Variants in NUMA1 observed in about 807,000 individuals in gnomAD.
The protein encoded by NUMA1 is nuclear mitotic apparatus protein 1.
In NUMA1, 62 loss-of-function variants were observed where a neutral mutation model predicts 237.1. The ratio of observed to expected loss-of-function variants is 0.26; its 90% CI spans 0.21 to 0.32. The LOEUF (loss-of-function observed/expected upper bound fraction) is 0.32, where lower values mean the gene tolerates loss of function less well. Among genes scored for constraint, NUMA1 ranks in the 10% least tolerant of loss-of-function variants. NUMA1 has a pLI of 1.00. For missense variants in NUMA1, 2,533 were observed against 2,666.5 expected (o/e 0.95, Z 1.10); for synonymous variants, 1,028 against 1,066.1 (o/e 0.96, Z 0.70).
intron 2 of NUMA1, among the ~76,000 whole-genome samples, chr11:72,043,798 A>G (rs1236068278): frequency 6.6e-6 from 1 of 152,132 alleles, no homozygotes; most frequent in Non-Finnish European, 1.5e-5. Context: ...TTAGAAACAA[A>G]TTAGTGTCTT....
At chr11:72,025,826 T>C (rs2135437529) in intron 4 of NUMA1, among the ~76,000 whole-genome samples, 2 of 152,302 alleles carry the variant, frequency 1.3e-5, no homozygotes, top group Middle Eastern at 3.4e-3. Flanking sequence ...TGGTCTGAGA[T>C]CAGAGACTCC....
At position 72,030,061 on chromosome 11, in the gene NUMA1, G is replaced by A. The variant is rs190489900; in HGVS notation, c.43-771C>T. 7.2e-5 allele frequency among the ~76,000 whole-genome samples: 11 copies of A among 152,230 alleles called. No homozygotes were observed. In the East Asian group the frequency reaches 1.9e-3, roughly 27 times the overall value. On this transcript the variant is annotated intron_variant, in intron 3 of 26. Coordinates refer to ENST00000393695, the MANE Select transcript of NUMA1 (RefSeq NM_006185.4). ...AAAAAGGGGGTGGAGGGAGCCAAGC[G>A]CGGTGGCTCACACCTGTAATCCTAG...
At chr11:72,043,411 G>A (rs1941814267) in intron 2 of NUMA1, among the ~76,000 whole-genome samples, 1 of 148,866 alleles carries the variant, frequency 6.7e-6, no homozygotes. Flanking sequence ...CACCCAGGCT[G>A]GAGGGCAGTG....
Position 72,004,333 on chromosome 11 carries a change from C to G in NUMA1, c.6015G>C (p.Lys2005Asn). The change falls in exon 25 of 27, where the codon AAG (lysine) becomes AAC (asparagine). Residue 2005 changes from lysine to asparagine, a missense_variant. Lys to Asn is a moderately conservative substitution (Grantham distance 94). Coordinates refer to ENST00000393695, the MANE Select transcript of NUMA1 (RefSeq NM_006185.4). ...TGGGGCGTGGGAAACAGCTGGTGGC[C>G]TTCTTAGACTATGGAGAAGAGGACA... is the stretch of plus-strand genomic sequence containing the variant. The part of the protein sequence containing the change: ...HQGPGTPESK[K>N]ATSCFPRPMT... The G allele has an allele frequency of 6.2e-7, 1 of 1,612,270 alleles. No homozygotes were observed. Among genetic ancestry groups the G allele is most frequent in the Middle Eastern group, 1.7e-4 (1 of 6,044 alleles).
chr11:72,004,722 A>C lies in NUMA1; in HGVS notation c.5924T>G (p.Ile1975Arg). 1 of 1,613,566 alleles carries C rather than the reference A, an allele frequency of 6.2e-7. No individual in the cohort carries two copies. The highest frequency in any genetic ancestry group is 8.5e-7 in the Non-Finnish European group (1 of 1,179,808). ...GGTGGTGATGCCAGTGCCCTCGGCT[A>C]TCTGGATTGGCTGCATGCTGGCTCG... is the stretch of plus-strand genomic sequence containing the variant. ...LRRASMQPIQ[I>R]AEGTGITTRQ... Residue 1975 changes from isoleucine (I) to arginine (R), a missense_variant, in exon 24 of 27, where the codon ATA (isoleucine) becomes AGA (arginine). Around this residue, in one of 3 missense-constraint regions of NUMA1, gnomAD observed 795 missense variants for 750.8 expected, o/e 1.06. Coordinates refer to ENST00000393695, the MANE Select transcript of NUMA1 (RefSeq NM_006185.4).
At chr11:72,024,703 C>CTA in intron 4 of NUMA1, 1 of 248,500 alleles carries the variant, frequency 4.0e-6, no homozygotes, top group African/African-American at 2.3e-5. Context: ...TGGCTCAACT[C>CTA]TAAACTGTCA....
At chr11:72,076,410 G>A (rs1440674234) in intron 1 of NUMA1, among the ~76,000 whole-genome samples, 1 of 152,056 alleles carries the variant, frequency 6.6e-6, no homozygotes, top group Non-Finnish European at 1.5e-5. Flanking sequence ...AAAATTCTAG[G>A]AAGCAGACAT....
chr11:72,005,702 G>A, intron 22 of NUMA1: 3 of 497,240 alleles, frequency 6.0e-6, no homozygotes, highest in South Asian at 2.7e-5. Context: ...GTGCCCAAAG[G>A]ACAAGAGCTT....
chr11:72,003,916 TGGC>T lies in NUMA1; in HGVS notation c.6304_6306del (p.Ala2102del), dbSNP rs747952281. ...CCCTTGGCTCGAGGGGTGGCACCAA[TGGC>T]GGCAGCAGTGGCGGCGCTGGCTGTG... On this transcript the variant is annotated inframe_deletion, in exon 26 of 27. Coordinates refer to ENST00000393695, the MANE Select transcript of NUMA1 (RefSeq NM_006185.4). The T allele has an allele frequency of 5.6e-6, 9 of 1,613,086 alleles. No individual in the cohort carries two copies. Among genetic ancestry groups the T allele is most frequent in the African/African-American group, 2.7e-5 (2 of 74,854 alleles).
Position 72,023,082 on chromosome 11 carries a change from C to G in NUMA1, c.274G>C (p.Glu92Gln), listed in dbSNP as rs765866795. ...ATAGGTACCTTCGCCAGTTCCAGCT[C>G]TGATCCCTCTAGCACCTTCTGTGCA... ...VSAQKVLEGS[E>Q]LELAKMTMLL... Residue 92 changes from glutamate (E) to glutamine (Q), a missense_variant, in exon 6 of 27, where the codon GAG (glutamate) becomes CAG (glutamine). Glu to Gln is a conservative substitution (Grantham distance 29, BLOSUM62 2). Around this residue, in one of 3 missense-constraint regions of NUMA1, gnomAD observed 1,414 missense variants for 1,508.1 expected, o/e 0.94. Coordinates refer to ENST00000393695, the MANE Select transcript of NUMA1 (RefSeq NM_006185.4). 8.1e-6 allele frequency: 13 copies of G among 1,613,742 alleles called. No homozygotes were observed. The highest frequency in any genetic ancestry group is 3.3e-5 in the Admixed American group (2 of 59,998).
chr11:72,048,221 C>T (rs914894007), intron 2 of NUMA1, among the ~76,000 whole-genome samples: 10 of 152,080 alleles, frequency 6.6e-5, no homozygotes, highest in Admixed American at 2.6e-4. Flanking sequence ...CTCAGCCTCC[C>T]GAGTAGCTGG....
At chr11:72,034,659 G>A (rs1940795408) in intron 3 of NUMA1, among the ~76,000 whole-genome samples, 1 of 151,602 alleles carries the variant, frequency 6.6e-6, no homozygotes, top group Non-Finnish European at 1.5e-5. Flanking sequence ...AGTGAGCCGA[G>A]ATCACGCCAC....
chr11:72,025,574 T>A (rs1939473231), intron 4 of NUMA1, among the ~76,000 whole-genome samples: 1 of 152,120 alleles, frequency 6.6e-6, no homozygotes, highest in Non-Finnish European at 1.5e-5. Context: ...AAAGCTGAAT[T>A]CTCTAGGCTA....
chr11:72,009,578 A>G (rs1314391204), intron 17 of NUMA1, among the ~76,000 whole-genome samples, 191 bp from the exon 18 acceptor site: 1 of 152,248 alleles, frequency 6.6e-6, no homozygotes, highest in Admixed American at 6.5e-5. Flanking sequence ...CATGCCCTTC[A>G]GTCCACATCC....
chr11:72,005,728 C>T, intron 22 of NUMA1: 1 of 496,010 alleles, frequency 2.0e-6, no homozygotes, highest in South Asian at 2.8e-5. Flanking sequence ...AAGAGTCTGG[C>T]CAGCCTGGCC....
chr11:72,006,413 T>C (rs1955706071), intron 21 of NUMA1, 150 bp from the exon 22 acceptor site: 2 of 650,772 alleles, frequency 3.1e-6, no homozygotes, highest in Admixed American at 6.0e-5. Flanking sequence ...CTGCAAGAAA[T>C]GGGCCTTGTC....
At chr11:72,075,013 G>A (rs376122451) in intron 1 of NUMA1, among the ~76,000 whole-genome samples, 12 of 148,976 alleles carry the variant, frequency 8.1e-5, no homozygotes, top group East Asian at 7.8e-4. Context: ...CAGCCTGGGC[G>A]ACAGAGTGAG....
At position 72,006,121 on chromosome 11, in the gene NUMA1, G is replaced by A. The variant is rs1377328408; in HGVS notation, c.5606C>T (p.Ala1869Val). The change falls in exon 22 of 27, where the codon GCC becomes GTC. Residue 1869 changes from alanine (A) to valine (V), a missense_variant. Around this residue, in one of 3 missense-constraint regions of NUMA1, gnomAD observed 795 missense variants for 750.8 expected, o/e 1.06. Transcript: ENST00000393695. ...RLGSPDYGNSALLSLPGYRPT... is the reference protein window; with the variant it reads ...RLGSPDYGNSVLLSLPGYRPT... ...GCGGTAGCCAGGCAAGCTGAGCAGG[G>A]CTGAGTTGCCATAATCGGGAGAACC... 2 of 1,614,168 alleles carry A rather than the reference G, an allele frequency of 1.2e-6. No homozygotes were observed. Among genetic ancestry groups the A allele is most frequent in the South Asian group, 1.1e-5 (1 of 91,078 alleles).
chr11:72,073,120 A>G (rs1479461685), intron 1 of NUMA1, among the ~76,000 whole-genome samples: 1 of 148,568 alleles, frequency 6.7e-6, no homozygotes, highest in Non-Finnish European at 1.5e-5. Flanking sequence ...GCACTTTGCG[A>G]GGCCGAGGCA....
Sources: allele counts gnomAD v4.1 joint callset (sites outside exome capture counted in the v4.1 genomes callset), GRCh38; gene constraint gnomAD v4.1.1; regional missense constraint gnomAD v4.1.1; transcripts MANE v1.5; gene names NCBI Gene and HGNC (gene_info 2026-07-23, HGNC 2026-07-21).